DSCC1: variants seen among roughly 807,000 people sequenced by gnomAD.
DSCC1 encodes the protein DNA replication and sister chromatid cohesion 1.
Under a neutral mutation model 48.2 loss-of-function variants are expected in DSCC1, and 32 were observed. The observed-to-expected ratio is 0.66, with a 90% CI of 0.50 to 0.89. DSCC1 has a LOEUF of 0.89. DSCC1 is among the 40% of genes least tolerant of loss of function. The pLI is 0.00. For missense variants in DSCC1, 421 were observed against 471.7 expected, an observed-to-expected ratio of 0.89 and a Z score of 1.00; for synonymous variants, 150 against 171.5, an observed-to-expected ratio of 0.87 and a Z score of 0.98.
intron 2 of DSCC1, chr8:119,852,818 T>C (rs1826959815): frequency 7.8e-6 from 3 of 384,928 alleles, no homozygotes; most frequent in Non-Finnish European, 9.1e-6. Context: ...AGAAAAAAGA[T>C]CAAATTGGGA....
rs1826629332 is a variant in DSCC1 at position 119,834,265 on chromosome 8, GA to G, written c.*627del. On this transcript the variant is annotated 3_prime_UTR_variant, in exon 9 of 9. Coordinates refer to ENST00000313655, the MANE Select transcript of DSCC1 (RefSeq NM_024094.3). ...TTATCAAGCATTCCAAAACCAACTA[GA>G]AATTACTTGAAGTTTTCGAGTGAGC... 1 of 152,152 alleles carries G rather than the reference GA, an allele frequency of 6.6e-6. No homozygotes were observed. Among genetic ancestry groups the G allele is most frequent in the Non-Finnish European group, 1.5e-5 (1 of 68,040 alleles). 9.4% of individuals were successfully genotyped at this position (152,152 alleles called of 1,614,324 possible). A position where few individuals can be genotyped will look rare whatever the true frequency, so the allele number is the denominator to read the frequency against.
At position 119,853,996 on chromosome 8, in the gene DSCC1, GAGC is replaced by G. The variant is rs560320334; in HGVS notation, c.183-784_183-782del. On this transcript the variant is annotated intron_variant, in intron 1 of 8. Transcript: ENST00000313655. ...AGGCTGAGGCCAGAAGATCGCTCGA[GAGC>G]AGGAGTTTGAGACCAGCCTGAGAAA... Among the ~76,000 whole-genome samples, 532 of 152,314 alleles carry G rather than the reference GAGC, an allele frequency of 3.5e-3. 3 individuals carry two copies. The highest frequency in any genetic ancestry group is 0.012 in the African/African-American group (496 of 41,572).
chr8:119,836,573 A>T (rs948837888), intron 8 of DSCC1, among the ~76,000 whole-genome samples: 1 of 152,250 alleles, frequency 6.6e-6, no homozygotes, highest in Middle Eastern at 3.4e-3. Context: ...CTGGATTAGT[A>T]GTGGTGCTGT....
chr8:119,845,060 T>G (rs1422446355), intron 4 of DSCC1, among the ~76,000 whole-genome samples: 1 of 40,314 alleles, frequency 2.5e-5, no homozygotes, highest in Non-Finnish European at 6.8e-5. Context: ...ATTTTATTTA[T>G]TTATTTATTT....
Position 119,853,125 on chromosome 8 carries a change from C to T in DSCC1, c.273G>A (p.Met91Ile), listed in dbSNP as rs753713307. The change falls in exon 2 of 9, where the codon ATG becomes ATA. Residue 91 changes from methionine to isoleucine, a missense_variant. By Grantham distance (10) the Met-to-Ile change is conservative. This residue lies in a region of DSCC1 where 174 missense variants were observed against 184.5 expected (regional missense o/e 0.94). Transcript: ENST00000313655. ...TTTTACAACCAGGAATGAAAAGCAACATATTGGAAGTGTCTGCTATCTTCA... is the reference window on the plus strand; with the variant it reads ...TTTTACAACCAGGAATGAAAAGCAATATATTGGAAGTGTCTGCTATCTTCA... ...YDLKIADTSNMLLFIPGCKTP... is the reference protein window; with the variant it reads ...YDLKIADTSNILLFIPGCKTP... 1 of 1,614,064 alleles carries T rather than the reference C, an allele frequency of 6.2e-7. No homozygotes were observed. The highest frequency in any genetic ancestry group is 1.1e-5 in the South Asian group (1 of 91,082).
chr8:119,847,587 G>A (rs1826875717), intron 3 of DSCC1, among the ~76,000 whole-genome samples: 1 of 152,066 alleles, frequency 6.6e-6, no homozygotes, highest in Non-Finnish European at 1.5e-5. Context: ...TAGTGCTAAT[G>A]ACTGCACACC....
At chr8:119,846,851 G>A (rs757691659) in intron 4 of DSCC1, 139 bp downstream of exon 4, 121 of 799,546 alleles carry the variant, frequency 1.5e-4, no homozygotes, top group Non-Finnish European at 2.1e-4. Context: ...AAGCCACTGC[G>A]CCCGGCCCAA....
intron 3 of DSCC1, among the ~76,000 whole-genome samples, chr8:119,847,380 C>T (rs1325606756): frequency 6.6e-6 from 1 of 152,136 alleles, no homozygotes; most frequent in African/African-American, 2.4e-5. Context: ...TAAACTTTTG[C>T]ACTTCAAAAC....
intron 2 of DSCC1, among the ~76,000 whole-genome samples, chr8:119,852,150 C>T (rs932239009): frequency 5.3e-5 from 8 of 151,994 alleles, no homozygotes; most frequent in Non-Finnish European, 1.0e-4. Flanking sequence ...AAAGTCATTC[C>T]CAAAGAAATA....
intron 5 of DSCC1, 76 bp downstream of exon 5, chr8:119,843,533 G>A: frequency 6.7e-7 from 1 of 1,498,164 alleles, no homozygotes; most frequent in Non-Finnish European, 9.0e-7. Context: ...TTTATGCCCT[G>A]GGTTTAATTC....
intron 4 of DSCC1, 35 bp downstream of exon 4, chr8:119,846,955 T>C: frequency 6.3e-7 from 1 of 1,588,984 alleles, no homozygotes; most frequent in Non-Finnish European, 8.6e-7. Context: ...GATGCCCAAT[T>C]TCATCATTGT....
intron 7 of DSCC1, 35 bp downstream of exon 7, chr8:119,841,759 T>C: frequency 6.3e-7 from 1 of 1,597,676 alleles, no homozygotes; most frequent in Non-Finnish European, 8.6e-7. Context: ...ATTAATCAAC[T>C]GTTGAAGTAA....
chr8:119,855,796 C>T lies in DSCC1; in HGVS notation c.-1G>A, dbSNP rs756430672. 3.9e-6 allele frequency: 6 copies of T among 1,522,772 alleles called. No homozygotes were observed. The highest frequency in any genetic ancestry group is 2.6e-5 in the South Asian group (2 of 77,780). 94.3% of individuals were successfully genotyped at this position (1,522,772 alleles called of 1,614,324 possible). A position where few individuals can be genotyped will look rare whatever the true frequency, so the allele number is the denominator to read the frequency against. ...CCACCTCGTCGCGGGTCCTCTTCAT[C>T]GCAGCGCCGGGTCTAGGAGTCCCGC... On this transcript the variant is annotated 5_prime_UTR_variant, in exon 1 of 9. Coordinates refer to ENST00000313655, the MANE Select transcript of DSCC1 (RefSeq NM_024094.3).
intron 6 of DSCC1, 35 bp downstream of exon 6, chr8:119,842,741 A>G: frequency 1.9e-6 from 3 of 1,574,390 alleles, no homozygotes; most frequent in South Asian, 2.2e-5. Context: ...GTTTTAACAT[A>G]TAAGAGTTAA....
intron 5 of DSCC1, 26 bp downstream of exon 5, chr8:119,843,583 G>A (rs1826806701): frequency 3.1e-6 from 5 of 1,594,844 alleles, no homozygotes; most frequent in Non-Finnish European, 3.4e-6. Context: ...AGGAAATCTG[G>A]ATAGACAAGA....
chr8:119,848,959 T>C (rs1027764899), intron 3 of DSCC1, among the ~76,000 whole-genome samples: 1 of 150,374 alleles, frequency 6.7e-6, no homozygotes, highest in Non-Finnish European at 1.5e-5. Flanking sequence ...CCGAGGCGGG[T>C]GGATCACGAG....
Position 119,842,779 on chromosome 8 carries a change from C to T in DSCC1, c.766G>A (p.Glu256Lys). 2 of 1,606,254 alleles carry T rather than the reference C, an allele frequency of 1.2e-6. No homozygotes were observed. The highest frequency in any genetic ancestry group is 1.7e-6 in the Non-Finnish European group (2 of 1,175,818). The part of the protein sequence containing the change: ...LKCYGKKYVD[E>K]GEVYFELDAD... Reference sequence around the variant, plus strand: ...GAGAATACTTTCCAAATCTTACCTTCATCTACATATTTCTTCCCATAACAT... The same window carrying T: ...GAGAATACTTTCCAAATCTTACCTTTATCTACATATTTCTTCCCATAACAT... Residue 256 changes from glutamate (E) to lysine (K), a missense_variant, in exon 6 of 9, where the codon GAA becomes AAA. By Grantham distance (56) the Glu-to-Lys change is moderately conservative (BLOSUM62 1). Around this residue, in one of 3 missense-constraint regions of DSCC1, gnomAD observed 238 missense variants for 259.0 expected, o/e 0.92. Coordinates refer to ENST00000313655, the MANE Select transcript of DSCC1 (RefSeq NM_024094.3).
At chr8:119,846,315 T>C (rs1439349765) in intron 4 of DSCC1, among the ~76,000 whole-genome samples, 2 of 152,112 alleles carry the variant, frequency 1.3e-5, no homozygotes, top group African/African-American at 2.4e-5. Context: ...GATTTCACCA[T>C]GTTGGCCAGG....
At chr8:119,844,393 T>A (rs937865963) in intron 4 of DSCC1, among the ~76,000 whole-genome samples, 1 of 142,614 alleles carries the variant, frequency 7.0e-6, no homozygotes, top group Non-Finnish European at 1.5e-5. Context: ...GAGCCAAGAT[T>A]ACACCACTGC....
Sources: gnomAD v4.1 joint callset for allele counts (sites outside exome capture counted in the v4.1 genomes callset) on GRCh38, gnomAD v4.1.1 for gene constraint, gnomAD v4.1.1 regional missense constraint, MANE v1.5 for transcripts, NCBI Gene and HGNC (gene_info 2026-07-23, HGNC 2026-07-21) for gene names.